HMGB1: variants seen among roughly 807,000 people sequenced by gnomAD.
HMGB1 encodes high mobility group box 1.
For missense variants in HMGB1, 79 were observed against 253.5 expected, an observed-to-expected ratio of 0.31 and a Z score of 4.67; for synonymous variants, 81 against 84.0, an observed-to-expected ratio of 0.96 and a Z score of 0.19.
intron 1 of HMGB1, among the ~76,000 whole-genome samples, chr13:30,543,672 G>C (rs547925832): frequency 1.2e-3 from 187 of 152,300 alleles, no homozygotes; most frequent in African/African-American, 4.4e-3. Context: ...CAGGGAGAGG[G>C]TGTGTCTGAT....
At chr13:30,522,575 C>T (rs1183376652) in intron 1 of HMGB1, among the ~76,000 whole-genome samples, 1 of 152,066 alleles carries the variant, frequency 6.6e-6, no homozygotes, top group Non-Finnish European at 1.5e-5. Flanking sequence ...CATAGTATGA[C>T]AACACCACTT....
intron 1 of HMGB1, among the ~76,000 whole-genome samples, chr13:30,537,645 T>G (rs1868501285): frequency 8.0e-6 from 1 of 124,778 alleles, no homozygotes; most frequent in African/African-American, 2.9e-5. Flanking sequence ...ATTCATTCAT[T>G]CTTGTTCATA....
At chr13:30,517,643 C>T (rs1199545398) in intron 1 of HMGB1, among the ~76,000 whole-genome samples, 2 of 152,180 alleles carry the variant, frequency 1.3e-5, no homozygotes. Context: ...CCCGCCTTGG[C>T]CTCTCAAAGT....
At chr13:30,492,373 G>A (rs763355170) in intron 1 of HMGB1, among the ~76,000 whole-genome samples, 2 of 150,618 alleles carry the variant, frequency 1.3e-5, no homozygotes, top group South Asian at 4.2e-4. Flanking sequence ...ATAAAGCATA[G>A]AATGAAAAAA....
At chr13:30,566,967 G>A (rs1312351439) in intron 1 of HMGB1, among the ~76,000 whole-genome samples, 1 of 152,176 alleles carries the variant, frequency 6.6e-6, no homozygotes, top group East Asian at 1.9e-4. Context: ...TGATGAACAC[G>A]AGTTTTGATT....
chr13:30,591,676 A>AT (rs1871379733), intron 1 of HMGB1, among the ~76,000 whole-genome samples: 1 of 151,946 alleles, frequency 6.6e-6, no homozygotes, highest in Non-Finnish European at 1.5e-5. Context: ...CATCTGGCTA[A>AT]TTTTTTGTAG....
intron 1 of HMGB1, among the ~76,000 whole-genome samples, chr13:30,510,328 T>C (rs1887964555): frequency 6.6e-6 from 1 of 152,218 alleles, no homozygotes; most frequent in South Asian, 2.1e-4. Flanking sequence ...CTGCTGTTTC[T>C]ACATCATAAA....
chr13:30,548,153 G>GT (rs1869251612), intron 1 of HMGB1, among the ~76,000 whole-genome samples: 1 of 152,082 alleles, frequency 6.6e-6, no homozygotes, highest in Non-Finnish European at 1.5e-5. Flanking sequence ...TAATCCCCAC[G>GT]TGTTGTGGGA....
chr13:30,458,067 C>A lies in HMGB1; in HGVS notation c.*3290G>T, dbSNP rs1044116382. The A allele has an allele frequency of 7.2e-5, 11 of 152,182 alleles. No individual in the cohort carries two copies. The highest frequency in any genetic ancestry group is 2.7e-4 in the African/African-American group (11 of 41,446). The allele number at this position is 152,182 out of a possible 1,614,324, so 9.4% of individuals were successfully genotyped here. ...AGGCTCACATTTTAGCAAGTTAATT[C>A]TAAGACTTAAGCTGTGTACGGTGTG... On this transcript the variant is annotated 3_prime_UTR_variant, in exon 5 of 5. Coordinates refer to ENST00000341423, the MANE Select transcript of HMGB1 (RefSeq NM_002128.7).
intron 1 of HMGB1, among the ~76,000 whole-genome samples, chr13:30,531,015 C>A (rs574380953): frequency 6.6e-6 from 1 of 152,144 alleles, no homozygotes; most frequent in South Asian, 2.1e-4. Context: ...CCACTGCACT[C>A]CAGACCGGGC....
chr13:30,614,049 C>T (rs1036985466), intron 1 of HMGB1, among the ~76,000 whole-genome samples: 2 of 151,946 alleles, frequency 1.3e-5, no homozygotes, highest in Non-Finnish European at 2.9e-5. Flanking sequence ...TACATAATCA[C>T]TATGCATAGT....
At chr13:30,577,644 T>C (rs1294419977) in intron 1 of HMGB1, among the ~76,000 whole-genome samples, 1 of 152,216 alleles carries the variant, frequency 6.6e-6, no homozygotes, top group African/African-American at 2.4e-5. Context: ...AAGTCCTCAT[T>C]CTGCCACTGC....
chr13:30,464,210 C>T, intron 1 of HMGB1: 7 of 985,332 alleles, frequency 7.1e-6, no homozygotes, highest in Non-Finnish European at 7.2e-6. Flanking sequence ...AACTTTGCTC[C>T]AAAGAGGGAG....
chr13:30,582,348 A>G (rs1870935128), intron 1 of HMGB1, among the ~76,000 whole-genome samples: 1 of 152,224 alleles, frequency 6.6e-6, no homozygotes, highest in Non-Finnish European at 1.5e-5. Context: ...GGTTTAAAAA[A>G]CATCCACCAG....
intron 1 of HMGB1, among the ~76,000 whole-genome samples, chr13:30,576,596 G>C (rs905098962): frequency 4.0e-5 from 6 of 151,594 alleles, no homozygotes; most frequent in Admixed American, 4.0e-4. Flanking sequence ...AGTCCTACAT[G>C]TCTTCTCACT....
At chr13:30,507,179 C>T (rs1331082837) in intron 1 of HMGB1, among the ~76,000 whole-genome samples, 6 of 152,184 alleles carry the variant, frequency 3.9e-5, no homozygotes, top group Non-Finnish European at 7.3e-5. Flanking sequence ...TGCCTTAACC[C>T]TCCACTAAGC....
rs914063726 is a variant in HMGB1, at chr13:30,601,745, CAAAAAAAAAAAAAAAAAAAAAAAAAAAA to C, written c.-15+14898_-15+14925del. ...TGGGCGACAGAGCGAGACTCCGTCT[CAAAAAAAAAAAAAAAAAAAAAAAAAAAA>C]AAAAAAAAAAAAAAATGAGGGTTGT... On this transcript the variant is annotated intron_variant, in intron 1 of 4. Transcript: ENST00000405805. Among the ~76,000 whole-genome samples, 5 of 3,542 alleles carry C rather than the reference CAAAAAAAAAAAAAAAAAAAAAAAAAAAA, an allele frequency of 1.4e-3. 2 individuals carry two copies. The highest frequency in any genetic ancestry group is 2.0e-3 in the Non-Finnish European group (5 of 2,534). The allele number at this position is 3,542 out of a possible 152,430, so 2.3% of individuals were successfully genotyped here.
chr13:30,478,328 A>G (rs1887146354), intron 1 of HMGB1, among the ~76,000 whole-genome samples: 1 of 152,214 alleles, frequency 6.6e-6, no homozygotes, highest in African/African-American at 2.4e-5. Flanking sequence ...CTGGGGACAG[A>G]GTGAGACCCT....
At chr13:30,487,977 T>C (rs1045563020) in intron 1 of HMGB1, among the ~76,000 whole-genome samples, 5 of 152,240 alleles carry the variant, frequency 3.3e-5, no homozygotes, top group African/African-American at 1.2e-4. Flanking sequence ...TCTTAGTAGT[T>C]CTAGAGGCTG....
Sources: allele counts gnomAD v4.1 joint callset (sites outside exome capture counted in the v4.1 genomes callset), GRCh38; gene constraint gnomAD v4.1.1; transcripts MANE v1.5; gene names NCBI Gene and HGNC (gene_info 2026-07-23, HGNC 2026-07-21).